The following GPC5 variants were observed in gnomAD, a reference collection of about 807,000 sequenced individuals.
GPC5 encodes the protein glypican 5, also known as glypican-5.
Under a neutral mutation model 53.9 loss-of-function variants are expected in GPC5, and 47 were observed. The ratio of observed to expected loss-of-function variants is 0.87; its 90% confidence interval spans 0.69 to 1.11. The LOEUF (loss-of-function observed/expected upper bound fraction) is 1.11, where lower values mean the gene tolerates loss of function less well. Among genes scored for constraint, GPC5 ranks in the 50% most tolerant of loss-of-function variants. The pLI is 0.00. For missense variants in GPC5, 748 were observed against 713.1 expected, an observed-to-expected ratio of 1.05 and a Z score of -0.56; for synonymous variants, 286 against 263.3, an observed-to-expected ratio of 1.09 and a Z score of -0.84.
intron 7 of GPC5, among the ~76,000 whole-genome samples, chr13:92,153,600 A>G (rs1198604743): frequency 6.6e-6 from 1 of 152,216 alleles, no homozygotes; most frequent in African/African-American, 2.4e-5. Context: ...CTTGATATAC[A>G]TGTGCAAGAG....
chr13:92,335,177 T>C (rs1413897561), intron 7 of GPC5, among the ~76,000 whole-genome samples: 1 of 152,170 alleles, frequency 6.6e-6, no homozygotes, highest in Non-Finnish European at 1.5e-5. Flanking sequence ...TCCAGGCGTT[T>C]TCATACATCC....
At chr13:91,673,050 G>A (rs892341725) in intron 2 of GPC5, among the ~76,000 whole-genome samples, 1 of 151,954 alleles carries the variant, frequency 6.6e-6, no homozygotes, top group East Asian at 1.9e-4. Context: ...TGGATACGGG[G>A]ATGGGAACAA....
chr13:92,356,786 T>G (rs1193124339), intron 7 of GPC5, among the ~76,000 whole-genome samples: 1 of 152,180 alleles, frequency 6.6e-6, no homozygotes, highest in Non-Finnish European at 1.5e-5. Flanking sequence ...CACAGAGGTT[T>G]GTTGTATAAA....
At chr13:91,725,476 CT>C (rs1288959848) in intron 3 of GPC5, among the ~76,000 whole-genome samples, 1 of 152,096 alleles carries the variant, frequency 6.6e-6, no homozygotes, top group Non-Finnish European at 1.5e-5. Flanking sequence ...GATGGTTTTC[CT>C]TTTCTTTTCA....
chr13:92,267,313 T>G (rs1566510903), intron 7 of GPC5, among the ~76,000 whole-genome samples: 1 of 152,134 alleles, frequency 6.6e-6, no homozygotes, highest in East Asian at 1.9e-4. Context: ...TTCTTTAACC[T>G]GTTCTCAATC....
intron 7 of GPC5, among the ~76,000 whole-genome samples, chr13:92,685,553 T>G (rs1192851327): frequency 8.2e-6 from 1 of 122,640 alleles, no homozygotes; most frequent in Admixed American, 9.9e-5. Flanking sequence ...CATTTTTTTT[T>G]TTTTTAATTT....
chr13:91,965,480 G>A (rs1189531183), intron 6 of GPC5, among the ~76,000 whole-genome samples: 3 of 152,082 alleles, frequency 2.0e-5, no homozygotes, highest in Non-Finnish European at 2.9e-5. Flanking sequence ...CATTTACCCA[G>A]TTTTTCTCTC....
intron 7 of GPC5, among the ~76,000 whole-genome samples, chr13:92,171,038 T>C (rs909531741): frequency 1.3e-5 from 2 of 152,084 alleles, no homozygotes; most frequent in Non-Finnish European, 2.9e-5. Flanking sequence ...ACTCTATTCT[T>C]CTTAAATATT....
At chr13:92,387,407 A>G (rs1874785824) in intron 7 of GPC5, among the ~76,000 whole-genome samples, 1 of 152,074 alleles carries the variant, frequency 6.6e-6, no homozygotes, top group Admixed American at 6.6e-5. Flanking sequence ...ACATAACCTC[A>G]TCGTAAGTTG....
chr13:92,692,628 T>G (rs927022921), intron 7 of GPC5, among the ~76,000 whole-genome samples: 2 of 151,552 alleles, frequency 1.3e-5, no homozygotes, highest in Admixed American at 1.3e-4. Flanking sequence ...CATGTATACA[T>G]GTGTAACTAA....
intron 7 of GPC5, among the ~76,000 whole-genome samples, chr13:92,781,599 C>T (rs1255167025): frequency 1.3e-5 from 2 of 152,058 alleles, no homozygotes; most frequent in African/African-American, 4.8e-5. Context: ...TTGATGGAAC[C>T]ATTTGTAAAA....
chr13:91,959,553 C>T (rs779374383), intron 6 of GPC5, among the ~76,000 whole-genome samples: 2 of 151,898 alleles, frequency 1.3e-5, no homozygotes, highest in Non-Finnish European at 2.9e-5. Flanking sequence ...ATAAGGCCAG[C>T]ACTAGCCTGA....
chr13:91,567,555 C>G (rs567496684), intron 2 of GPC5, among the ~76,000 whole-genome samples: 2 of 152,088 alleles, frequency 1.3e-5, no homozygotes, highest in Admixed American at 6.6e-5. Flanking sequence ...GATTTCCACA[C>G]AAGTTGTTTT....
chr13:92,711,582 T>G (rs1460515993), intron 7 of GPC5, among the ~76,000 whole-genome samples: 1 of 152,088 alleles, frequency 6.6e-6, no homozygotes, highest in Non-Finnish European at 1.5e-5. Flanking sequence ...AATATCACCA[T>G]CAATCAACTG....
chr13:91,742,085 T>C (rs1478625270), intron 4 of GPC5, among the ~76,000 whole-genome samples: 1 of 152,094 alleles, frequency 6.6e-6, no homozygotes, highest in Non-Finnish European at 1.5e-5. Context: ...AGACAAAGCT[T>C]TGGATAGGAG....
intron 7 of GPC5, among the ~76,000 whole-genome samples, chr13:92,565,700 T>C (rs1882841706): frequency 6.6e-6 from 1 of 152,118 alleles, no homozygotes; most frequent in Non-Finnish European, 1.5e-5. Flanking sequence ...TTTATTTCAA[T>C]TAAATATGTA....
At chr13:91,834,124 A>G (rs2038695679) in intron 5 of GPC5, among the ~76,000 whole-genome samples, 1 of 152,220 alleles carries the variant, frequency 6.6e-6, no homozygotes, top group Admixed American at 6.5e-5. Flanking sequence ...GAGCCAAATC[A>G]TGAGTGAACT....
At position 91,680,454 on chromosome 13, in the gene GPC5, A is replaced by C. The variant is rs557616275; in HGVS notation, c.326-12733A>C. 2.0e-3 allele frequency among the ~76,000 whole-genome samples: 308 copies of C among 152,292 alleles called. 1 individual carries two copies. Among genetic ancestry groups the C allele is most frequent in the African/African-American group, 6.9e-3 (288 of 41,564 alleles). ...ACAGAGCAAGACTCCATCTCAAAAC[A>C]AACAAACAAACAAAAAAGTGATGAA... On this transcript the variant is annotated intron_variant, in intron 2 of 7. Coordinates refer to ENST00000377067, the MANE Select transcript of GPC5 (RefSeq NM_004466.6).
At chr13:92,651,742 G>A (rs1458692082) in intron 7 of GPC5, among the ~76,000 whole-genome samples, 3 of 151,986 alleles carry the variant, frequency 2.0e-5, no homozygotes, top group East Asian at 3.9e-4. Context: ...AATTTGATGT[G>A]GGCTGTATAG....
Sources: gnomAD v4.1 joint callset for allele counts (sites outside exome capture counted in the v4.1 genomes callset) on GRCh38, gnomAD v4.1.1 for gene constraint, MANE v1.5 for transcripts, NCBI Gene and HGNC (gene_info 2026-07-23, HGNC 2026-07-21) for gene names.